Variants in SEC14L1 observed in about 807,000 individuals in gnomAD.
The protein encoded by SEC14L1 is SEC14-like protein 1.
In SEC14L1, 48 loss-of-function variants were observed where a neutral mutation model predicts 85.3. That is an observed-to-expected ratio of 0.56 (90% CI 0.45 to 0.72). The LOEUF is 0.72. SEC14L1 is among the 30% of genes least tolerant of loss of function. SEC14L1 has a pLI of 0.00. For missense variants in SEC14L1, 682 were observed against 921.4 expected (o/e 0.74, Z 3.36); for synonymous variants, 391 against 355.5 (o/e 1.10, Z -1.12).
chr17:77,127,146 C>T (rs1284462312), intron 3 of SEC14L1, among the ~76,000 whole-genome samples: 2 of 151,984 alleles, frequency 1.3e-5, no homozygotes, highest in Non-Finnish European at 2.9e-5. Flanking sequence ...CCCTCACCCC[C>T]AACCAACAGA....
At chr17:77,089,416 C>T (rs1421374028) in intron 2 of SEC14L1, 4 of 518,934 alleles carry the variant, frequency 7.7e-6, no homozygotes, top group African/African-American at 5.8e-5. Flanking sequence ...GAAGTCTTTC[C>T]TGGGTTTTGA....
intron 7 of SEC14L1, 54 bp from the exon 8 acceptor site, chr17:77,196,148 G>T: frequency 7.1e-7 from 1 of 1,400,650 alleles, no homozygotes; most frequent in Non-Finnish European, 1.0e-6. Flanking sequence ...AAAGACTTTG[G>T]GAGCCTAAAG....
chr17:77,142,528 A>C (rs1437261556), intron 1 of SEC14L1, 118 bp from the exon 2 acceptor site: 1 of 140,624 alleles, frequency 7.1e-6, no homozygotes, highest in Non-Finnish European at 1.5e-5. Flanking sequence ...ACTGTGTTCC[A>C]CCTTGGGCAA....
At position 77,206,510 on chromosome 17, in the gene SEC14L1, CAAT is replaced by C. The variant is rs1448040673; in HGVS notation, c.1341+113_1341+115del. The C allele has an allele frequency of 7.5e-7, 1 of 1,327,572 alleles. No homozygotes were observed. Among genetic ancestry groups the C allele is most frequent in the African/African-American group, 1.5e-5 (1 of 67,602 alleles). The allele number at this position is 1,327,572 out of a possible 1,614,324, so 82.2% of individuals were successfully genotyped here. ...AGTCTTAACTTCTTAGGAAAAAAAA[CAAT>C]AACATGCAAAGATATAAAATTTCTC... On this transcript the variant is annotated intron_variant, in intron 12 of 16. Coordinates refer to ENST00000436233, the MANE Select transcript of SEC14L1 (RefSeq NM_001143998.2). This position sits in a 1 kb window ranked among gnomAD's most constrained non-coding sequence, Gnocchi z 4.3.
upstream of SEC14L1, among the ~76,000 whole-genome samples, chr17:77,137,928 C>A (rs1007006482): frequency 1.3e-5 from 2 of 152,206 alleles, no homozygotes; most frequent in Non-Finnish European, 2.9e-5. Flanking sequence ...TCACACAGAG[C>A]TGGCTGTGCA....
chr17:77,198,295 A>C (rs1279431840), intron 8 of SEC14L1, among the ~76,000 whole-genome samples: 2 of 152,224 alleles, frequency 1.3e-5, no homozygotes, highest in Non-Finnish European at 2.9e-5. Context: ...TCAGTATTTA[A>C]ATAGAGTCAT....
chr17:77,139,793 C>T (rs557165708), upstream of SEC14L1, among the ~76,000 whole-genome samples: 569 of 152,132 alleles, frequency 3.7e-3, 1 homozygote, highest in African/African-American at 0.013. Flanking sequence ...CCACCGCGCC[C>T]GGCCGGTGGA....
chr17:77,092,558 C>A (rs1356412928), intron 2 of SEC14L1, among the ~76,000 whole-genome samples: 2 of 152,080 alleles, frequency 1.3e-5, no homozygotes, highest in Non-Finnish European at 2.9e-5. Context: ...GGTTGATAAC[C>A]AGGTTGTAGG....
chr17:77,201,476 A>G (rs964504089), intron 9 of SEC14L1, among the ~76,000 whole-genome samples: 1 of 146,592 alleles, frequency 6.8e-6, no homozygotes, highest in African/African-American at 2.5e-5. Context: ...TTTGAGACAG[A>G]GTCTCGCTCT....
At chr17:77,095,181 C>T (rs1200962922) in intron 3 of SEC14L1, among the ~76,000 whole-genome samples, 1 of 152,172 alleles carries the variant, frequency 6.6e-6, no homozygotes, top group South Asian at 2.1e-4. Flanking sequence ...TCCTAGGCTC[C>T]CCTGAGCAGT....
chr17:77,163,203 C>G (rs113272488), intron 3 of SEC14L1, among the ~76,000 whole-genome samples: 1 of 152,022 alleles, frequency 6.6e-6, no homozygotes, highest in Non-Finnish European at 1.5e-5. Flanking sequence ...ATCGATGATA[C>G]GAATTGGACT....
At chr17:77,199,480 C>T (rs1302560136) in intron 8 of SEC14L1, 1 of 162,082 alleles carries the variant, frequency 6.2e-6, no homozygotes, top group Non-Finnish European at 1.4e-5. Context: ...CTTCCCTTTT[C>T]CATGGTGTGG....
chr17:77,216,711 C>G lies in SEC14L1; in HGVS notation c.*2688C>G, dbSNP rs1977119579. ...ATTCGGGAGTGGCATTCTTTTATACCCAAAGACTGTAGTGCATCTTGAAGA... is the reference window on the plus strand; with the variant it reads ...ATTCGGGAGTGGCATTCTTTTATACGCAAAGACTGTAGTGCATCTTGAAGA... On this transcript the variant is annotated 3_prime_UTR_variant, in exon 17 of 17. Coordinates refer to ENST00000436233, the MANE Select transcript of SEC14L1 (RefSeq NM_001143998.2). 1.4e-6 allele frequency: 2 copies of G among 1,417,154 alleles called. No homozygotes were observed. Among genetic ancestry groups the G allele is most frequent in the East Asian group, 4.6e-5 (2 of 43,490 alleles). 87.8% of individuals were successfully genotyped at this position (1,417,154 alleles called of 1,614,324 possible). A position where few individuals can be genotyped will look rare whatever the true frequency, so the allele number is the denominator to read the frequency against.
upstream of SEC14L1, among the ~76,000 whole-genome samples, chr17:77,136,866 G>C (rs1348193487): frequency 6.6e-6 from 1 of 151,356 alleles, no homozygotes; most frequent in Non-Finnish European, 1.5e-5. Context: ...AAGAAAAAAA[G>C]TTTAATTGGC....
intron 3 of SEC14L1, among the ~76,000 whole-genome samples, chr17:77,114,253 G>C (rs1480617630): frequency 6.6e-6 from 1 of 151,708 alleles, no homozygotes; most frequent in Non-Finnish European, 1.5e-5. Context: ...GGCTGGGCAA[G>C]GTGGCTCACG....
chr17:77,211,838 C>T, intron 14 of SEC14L1, 112 bp from the exon 15 acceptor site: 1 of 1,392,852 alleles, frequency 7.2e-7, no homozygotes, highest in Non-Finnish European at 9.8e-7. Context: ...TCAGCGTTTC[C>T]CTCCCCAGCT....
intron 3 of SEC14L1, among the ~76,000 whole-genome samples, chr17:77,122,013 C>T (rs1972311321): frequency 6.6e-6 from 1 of 152,180 alleles, no homozygotes; most frequent in Non-Finnish European, 1.5e-5. Flanking sequence ...CAGCAGCCCA[C>T]ACACTGGAAA....
chr17:77,162,122 C>T (rs944823599), intron 3 of SEC14L1, among the ~76,000 whole-genome samples: 3 of 152,118 alleles, frequency 2.0e-5, no homozygotes, highest in South Asian at 2.1e-4. Flanking sequence ...TTTCCCAGGA[C>T]GAGGGGCTTT....
intron 7 of SEC14L1, chr17:77,195,162 G>A (rs1975742280): frequency 4.0e-6 from 2 of 502,622 alleles, no homozygotes; most frequent in East Asian, 3.4e-5. Flanking sequence ...ACCAGAAGGT[G>A]TTTGTTTGTT....
Sources: gnomAD v4.1 joint callset for allele counts (sites outside exome capture counted in the v4.1 genomes callset) on GRCh38, gnomAD v4.1.1 for gene constraint, Gnocchi (gnomAD v3.1) non-coding constraint, MANE v1.5 for transcripts, NCBI Gene and HGNC (gene_info 2026-07-23, HGNC 2026-07-21) for gene names.